The following RNF216 variants were observed in gnomAD, a reference collection of about 807,000 sequenced individuals.
The protein encoded by RNF216 is E3 ubiquitin-protein ligase RNF216.
In RNF216, 72 loss-of-function variants were observed where a neutral mutation model predicts 110.8. The ratio of observed to expected loss-of-function variants is 0.65; its 90% CI spans 0.54 to 0.79. The LOEUF (loss-of-function observed/expected upper bound fraction) is 0.79. Ranked by LOEUF, RNF216 falls within the 30% of genes least tolerant of loss-of-function variation. The pLI is 0.00. For synonymous variants in RNF216, 495 were observed against 407.5 expected (o/e 1.21, Z -2.59); for missense variants, 1,342 against 1,141.2 (o/e 1.18, Z -2.54).
intron 2 of RNF216, among the ~76,000 whole-genome samples, chr7:5,756,417 A>C (rs1795647111): frequency 6.6e-6 from 1 of 152,160 alleles, no homozygotes; most frequent in African/African-American, 2.4e-5. Context: ...GCGAGGCTAA[A>C]ATATTAACTA....
chr7:5,655,388 AGACATTAGAGACCAGC>A (rs1401859508), intron 13 of RNF216, among the ~76,000 whole-genome samples: 2 of 152,248 alleles, frequency 1.3e-5, no homozygotes, highest in African/African-American at 4.8e-5. Context: ...ACCTGAGGTC[AGACATTAGAGACCAGC>A]CTGGCCAACA....
intron 1 of RNF216, among the ~76,000 whole-genome samples, chr7:5,780,496 A>T (rs1196361795): frequency 6.6e-6 from 1 of 152,164 alleles, no homozygotes; most frequent in African/African-American, 2.4e-5. Flanking sequence ...CAGACGTTAG[A>T]GACCAGCCTG....
intron 15 of RNF216, among the ~76,000 whole-genome samples, chr7:5,634,032 A>AC (rs2128561251): frequency 6.6e-6 from 1 of 152,380 alleles, no homozygotes; most frequent in Non-Finnish European, 1.5e-5. Flanking sequence ...CAAATCAGAT[A>AC]TGAACAGTAA....
In RNF216 at chr7:5,761,139, C is replaced by G; in HGVS notation, c.-69-1G>C. On this transcript the variant is annotated splice_acceptor_variant, in intron 1 of 16. Coordinates refer to ENST00000389902, the MANE Select transcript of RNF216 (RefSeq NM_207111.4). LOFTEE classifies it low-confidence loss of function (5UTR_SPLICE). ...ATGGTGACCATCTGTTTCAAAAGAACTGAAAAGGAAGCAAAGAGTAACAGT... is the reference window on the plus strand; with the variant it reads ...ATGGTGACCATCTGTTTCAAAAGAAGTGAAAAGGAAGCAAAGAGTAACAGT... The G allele has an allele frequency of 2.2e-6, 2 of 921,056 alleles. No individual in the cohort carries two copies. Among genetic ancestry groups the G allele is most frequent in the East Asian group, 5.5e-5 (2 of 36,380 alleles). 57.1% of individuals were successfully genotyped at this position (921,056 alleles called of 1,614,324 possible). A position where few individuals can be genotyped will look rare whatever the true frequency, so the allele number is the denominator to read the frequency against.
At chr7:5,725,789 G>A (rs1265595963) in intron 7 of RNF216, among the ~76,000 whole-genome samples, 5 of 148,558 alleles carry the variant, frequency 3.4e-5, no homozygotes, top group South Asian at 2.1e-4. Flanking sequence ...GGCGGAGGTC[G>A]CAGTGAGCCG....
intron 13 of RNF216, among the ~76,000 whole-genome samples, chr7:5,653,318 C>T (rs887506684): frequency 2.0e-5 from 3 of 151,976 alleles, no homozygotes; most frequent in Non-Finnish European, 2.9e-5. Context: ...GAGCCAGGCG[C>T]GGTGGCTCAC....
At chr7:5,695,482 G>A (rs1375859834) in intron 13 of RNF216, among the ~76,000 whole-genome samples, 1 of 152,200 alleles carries the variant, frequency 6.6e-6, no homozygotes, top group Non-Finnish European at 1.5e-5. Context: ...TGTTAGGCAC[G>A]GGGTGAGCAC....
At chr7:5,675,728 A>ATTTTTTTTTT (rs1167357884) in intron 13 of RNF216, among the ~76,000 whole-genome samples, 1 of 113,714 alleles carries the variant, frequency 8.8e-6, no homozygotes, top group Non-Finnish European at 1.7e-5. Flanking sequence ...TTTTTTTTTG[A>ATTTTTTTTTT]GGTGGAGTTT....
Position 5,761,053 on chromosome 7 carries a change from T to G in RNF216, c.17A>C (p.Asn6Thr). Residue 6 changes from asparagine (N) to threonine (T), a missense_variant, in exon 2 of 17, where the codon AAC (asparagine) becomes ACC (threonine). Asn to Thr is a moderately conservative substitution (Grantham distance 65, BLOSUM62 0). Transcript: ENST00000389902. Reference protein sequence around the residue: MEEGNNNEEVIHLNNF... With the variant: MEEGNTNEEVIHLNNF... The stretch of plus-strand genomic sequence containing the variant: ...GTTCAAGTGAATTACCTCTTCATTG[T>G]TGTTTCCCTCTTCCATTTTCAAATG... The G allele has an allele frequency of 6.3e-7, 1 of 1,582,464 alleles. No individual in the cohort carries two copies. The highest frequency in any genetic ancestry group is 8.5e-7 in the Non-Finnish European group (1 of 1,169,976).
chr7:5,725,428 T>G lies in RNF216; in HGVS notation c.1400A>C (p.Asp467Ala). The change falls in exon 8 of 17, where the codon GAT becomes GCT. Residue 467 changes from aspartate to alanine, a missense_variant. Physicochemically the swap from Asp to Ala is moderately radical, Grantham distance 126 (BLOSUM62 -2). Coordinates refer to ENST00000389902, the MANE Select transcript of RNF216 (RefSeq NM_207111.4). The part of the protein sequence containing the change: ...HYAITRKALS[D>A]AIKKWQELSP... ...CAGCTCCTGCCATTTTTTAATGGCA[T>G]CAGACAAGGCCTAAAAATTGAGAAA... 1.3e-6 allele frequency: 2 copies of G among 1,598,886 alleles called. No homozygotes were observed. The highest frequency in any genetic ancestry group is 1.7e-6 in the Non-Finnish European group (2 of 1,166,580).
chr7:5,709,281 C>T (rs138954656), intron 13 of RNF216, among the ~76,000 whole-genome samples: 1 of 152,304 alleles, frequency 6.6e-6, no homozygotes, highest in Non-Finnish European at 1.5e-5. Flanking sequence ...TCTTCTTTTT[C>T]CTCCCCAGAA....
intron 3 of RNF216, among the ~76,000 whole-genome samples, chr7:5,746,525 T>C (rs867333410): frequency 2.6e-5 from 4 of 152,216 alleles, no homozygotes; most frequent in Admixed American, 2.0e-4. Context: ...TGTGGGTATG[T>C]GGATTCCTTT....
chr7:5,722,908 G>A (rs1793524741), intron 8 of RNF216, among the ~76,000 whole-genome samples: 1 of 151,918 alleles, frequency 6.6e-6, no homozygotes, highest in African/African-American at 2.4e-5. Flanking sequence ...GCTGAGGCAG[G>A]AGAATCGCTT....
intron 4 of RNF216, 160 bp from the exon 5 acceptor site, chr7:5,739,512 A>G (rs1177901978): frequency 1.4e-6 from 1 of 734,236 alleles, no homozygotes; most frequent in Non-Finnish European, 2.4e-6. Context: ...TAGTTCCCAG[A>G]TTCATCTGTC....
intron 13 of RNF216, among the ~76,000 whole-genome samples, chr7:5,653,285 C>T (rs1788509626): frequency 6.6e-6 from 1 of 151,996 alleles, no homozygotes; most frequent in Non-Finnish European, 1.5e-5. Flanking sequence ...GAAACTATCC[C>T]ACATCAGTAA....
chr7:5,686,784 C>T (rs1056397442), intron 13 of RNF216, among the ~76,000 whole-genome samples: 1 of 152,216 alleles, frequency 6.6e-6, no homozygotes, highest in Non-Finnish European at 1.5e-5. Context: ...GACTATTTTT[C>T]CACGGACAGG....
intron 14 of RNF216, among the ~76,000 whole-genome samples, chr7:5,651,363 A>G (rs1351815856): frequency 6.6e-6 from 1 of 151,858 alleles, no homozygotes; most frequent in African/African-American, 2.4e-5. Context: ...AGTAGCTGGG[A>G]CTACAGGTGC....
intron 8 of RNF216, 83 bp downstream of exon 8, chr7:5,725,241 T>C (rs1342791659): frequency 2.4e-6 from 2 of 818,116 alleles, no homozygotes; most frequent in African/African-American, 1.7e-5. Context: ...CAGACACCTG[T>C]AGCACGGCTT....
intron 13 of RNF216, among the ~76,000 whole-genome samples, chr7:5,673,539 T>G (rs766716300): frequency 7.2e-5 from 11 of 152,160 alleles, no homozygotes; most frequent in Non-Finnish European, 1.6e-4. Flanking sequence ...TGGGGCAGTA[T>G]GCAGGGAAGA....
Sources: allele counts gnomAD v4.1 joint callset (sites outside exome capture counted in the v4.1 genomes callset), GRCh38; gene constraint gnomAD v4.1.1; transcripts MANE v1.5; gene names NCBI Gene and HGNC (gene_info 2026-07-23, HGNC 2026-07-21).